Variants in ANAPC4 observed in about 807,000 individuals in gnomAD.
ANAPC4 encodes anaphase promoting complex subunit 4.
In ANAPC4, 63 loss-of-function variants were observed where a neutral mutation model predicts 119.8. The ratio of observed to expected loss-of-function variants is 0.53; its 90% CI spans 0.43 to 0.65. The LOEUF is 0.65. Ranked by LOEUF, ANAPC4 falls within the 30% of genes least tolerant of loss-of-function variation. The pLI is 0.00. For missense variants in ANAPC4, 716 were observed against 945.1 expected, an observed-to-expected ratio of 0.76 and a Z score of 3.18; for synonymous variants, 283 against 318.6, an observed-to-expected ratio of 0.89 and a Z score of 1.19.
Position 25,394,476 on chromosome 4 carries a change from G to A in ANAPC4, c.941+102G>A, listed in dbSNP as rs568740224. ...GTCATAGTATGTGATTTTTTTAATT[G>A]ATACATAATATTTTAATTGATACAT... On this transcript the variant is annotated intron_variant, in intron 12 of 28. Transcript: ENST00000315368. 9.9e-6 allele frequency: 11 copies of A among 1,109,824 alleles called. No individual in the cohort carries two copies. In the African/African-American group the frequency reaches 1.5e-4, roughly 15 times the overall value. The allele number at this position is 1,109,824 out of a possible 1,614,324, so 68.7% of individuals were successfully genotyped here. A position where few individuals can be genotyped will look rare whatever the true frequency, so the allele number is the denominator to read the frequency against.
At chr4:25,418,082 CTTCTGAT>C in intron 28 of ANAPC4, 66 bp from the exon 29 acceptor site, 1 of 1,347,874 alleles carries the variant, frequency 7.4e-7, no homozygotes, top group Non-Finnish European at 1.0e-6. Flanking sequence ...TTGATTCAGA[CTTCTGAT>C]TTCTAATTCT....
intron 27 of ANAPC4, 100 bp downstream of exon 27, chr4:25,416,698 G>A (rs766324117): frequency 5.7e-5 from 57 of 1,001,560 alleles, no homozygotes; most frequent in Middle Eastern, 2.8e-4. Flanking sequence ...TGGTTATTTC[G>A]TTACTAGAGA....
chr4:25,398,274 A>C (rs1446501797), intron 16 of ANAPC4, among the ~76,000 whole-genome samples: 1 of 152,214 alleles, frequency 6.6e-6, no homozygotes, highest in African/African-American at 2.4e-5. Flanking sequence ...AGTGATAAGT[A>C]ATGTTGAGAA....
intron 12 of ANAPC4, 148 bp from the exon 13 acceptor site, chr4:25,394,523 G>A (rs748557533): frequency 2.0e-6 from 2 of 1,016,478 alleles, no homozygotes; most frequent in South Asian, 1.8e-5. Context: ...TACTTACGGG[G>A]TATATGTGAT....
rs1266210005 is a variant in ANAPC4, at chr4:25,413,464, T to A, written c.1526-181T>A. 3 of 499,364 alleles carry A rather than the reference T, an allele frequency of 6.0e-6. No individual in the cohort carries two copies. In the East Asian group the frequency reaches 9.5e-5, roughly 16 times the overall value. The allele number at this position is 499,364 out of a possible 1,614,324, so 30.9% of individuals were successfully genotyped here. ...TTAGTGAGCTGTCAGCGGGGGTTGA[T>A]GAAAGGCAGAAGACCATGGTCGTTT... On this transcript the variant is annotated intron_variant, in intron 21 of 28. Transcript: ENST00000315368.
chr4:25,384,346 G>A (rs1232848083), intron 4 of ANAPC4, among the ~76,000 whole-genome samples: 1 of 152,120 alleles, frequency 6.6e-6, no homozygotes, highest in Non-Finnish European at 1.5e-5. Context: ...CATGAGGGTT[G>A]GAATCAACTT....
chr4:25,402,926 C>T (rs1368465855), intron 16 of ANAPC4, 45 bp from the exon 17 acceptor site: 1 of 1,137,790 alleles, frequency 8.8e-7, no homozygotes, highest in South Asian at 1.4e-5. Flanking sequence ...TATGAATCCC[C>T]CACACACTAA....
rs1723219131 is a variant in ANAPC4 at position 25,405,763 on chromosome 4, A to G, written c.1317+144A>G. 4.6e-6 allele frequency: 3 copies of G among 646,618 alleles called. No individual in the cohort carries two copies. Among genetic ancestry groups the G allele is most frequent in the Admixed American group, 5.8e-5 (2 of 34,318 alleles). The allele number at this position is 646,618 out of a possible 1,614,324, so 40.1% of individuals were successfully genotyped here. On this transcript the variant is annotated intron_variant, in intron 18 of 28. Transcript: ENST00000315368. This position sits in a 1 kb window ranked among gnomAD's most constrained non-coding sequence, Gnocchi z 4.6. ...TAGATCCCTTAAGCACCACCTTTTT[A>G]AAAAAGAAATTTGCATGTTTTGTGT...
intron 3 of ANAPC4, among the ~76,000 whole-genome samples, chr4:25,380,913 G>T (rs147408604): frequency 0.01 from 1,589 of 152,246 alleles, 37 homozygotes; most frequent in African/African-American, 0.035. Context: ...ATGTGTGTTT[G>T]CCTCACCTGG....
At chr4:25,394,635 G>T in intron 12 of ANAPC4, 36 bp from the exon 13 acceptor site, 1 of 1,562,472 alleles carries the variant, frequency 6.4e-7, no homozygotes, top group South Asian at 1.2e-5. Context: ...ATTTCCAATA[G>T]AGAAGTGACT....
intron 21 of ANAPC4, among the ~76,000 whole-genome samples, chr4:25,411,911 C>T (rs1345625938): frequency 6.6e-6 from 1 of 152,140 alleles, no homozygotes; most frequent in East Asian, 1.9e-4. Context: ...ACACGAATTA[C>T]AGATAGTTAG....
chr4:25,413,617 TTTTG>T, intron 21 of ANAPC4, 24 bp from the exon 22 acceptor site: 1 of 1,552,508 alleles, frequency 6.4e-7, no homozygotes, highest in Non-Finnish European at 8.8e-7. Context: ...CTTCTTTTAT[TTTTG>T]TTTCTGTTTT....
intron 11 of ANAPC4, 45 bp downstream of exon 11, chr4:25,393,936 G>A (rs1266868399): frequency 1.4e-6 from 2 of 1,434,804 alleles, no homozygotes; most frequent in East Asian, 2.3e-5. Flanking sequence ...AAGAATGCAT[G>A]ATGTATGTCT....
intron 20 of ANAPC4, among the ~76,000 whole-genome samples, chr4:25,408,901 A>C (rs922637278): frequency 6.6e-6 from 1 of 152,220 alleles, no homozygotes; most frequent in African/African-American, 2.4e-5. Flanking sequence ...ACAGAATATT[A>C]AAGATTCGTA....
intron 20 of ANAPC4, 35 bp downstream of exon 20, chr4:25,407,288 G>A (rs375847746): frequency 3.0e-4 from 457 of 1,520,088 alleles, no homozygotes; most frequent in East Asian, 7.9e-4. Context: ...AACCTTAGCA[G>A]TGTTCATCTT....
Position 25,385,284 on chromosome 4 carries a change from C to T in ANAPC4, c.368+1891C>T, listed in dbSNP as rs1225354053. ...GCTTTAAAATACATACATACGTATA[C>T]ATATATATATCTCTATATGTATATA... is the stretch of plus-strand genomic sequence containing the variant. On this transcript the variant is annotated intron_variant, in intron 4 of 28. Transcript: ENST00000315368. 3.3e-5 allele frequency among the ~76,000 whole-genome samples: 5 copies of T among 152,154 alleles called. No homozygotes were observed. In the East Asian group the frequency reaches 7.7e-4, roughly 23 times the overall value.
chr4:25,399,695 C>T (rs993218137), intron 16 of ANAPC4, among the ~76,000 whole-genome samples: 1 of 152,068 alleles, frequency 6.6e-6, no homozygotes, highest in Admixed American at 6.6e-5. Context: ...GTGGAGCTGT[C>T]CAGCACAGTG....
At chr4:25,417,448 A>G in intron 27 of ANAPC4, 168 bp from the exon 28 acceptor site, 1 of 662,378 alleles carries the variant, frequency 1.5e-6, no homozygotes, top group Non-Finnish European at 2.3e-6. Flanking sequence ...ATTTTTATAG[A>G]ATATTATATC....
intron 28 of ANAPC4, 87 bp downstream of exon 28, chr4:25,417,826 A>G: frequency 2.0e-6 from 3 of 1,499,640 alleles, no homozygotes. Context: ...CATGATATAT[A>G]AGGTCCTTTT....
Sources: gnomAD v4.1 joint callset for allele counts (sites outside exome capture counted in the v4.1 genomes callset) on GRCh38, gnomAD v4.1.1 for gene constraint, Gnocchi (gnomAD v3.1) non-coding constraint, MANE v1.5 for transcripts, NCBI Gene and HGNC (gene_info 2026-07-23, HGNC 2026-07-21) for gene names.